Variants in SESN1 observed in about 807,000 individuals in gnomAD.
SESN1 encodes the protein sestrin-1.
Under a neutral mutation model 59.3 loss-of-function variants are expected in SESN1, and 30 were observed. The observed-to-expected ratio is 0.51, with a 90% CI of 0.38 to 0.69. The LOEUF (loss-of-function observed/expected upper bound fraction) is 0.69, where lower values mean the gene tolerates loss of function less well. Ranked by LOEUF, SESN1 falls within the 30% of genes least tolerant of loss-of-function variation. SESN1 has a pLI of 0.00. For missense variants in SESN1, 566 were observed against 673.0 expected, an observed-to-expected ratio of 0.84 and a Z score of 1.76; for synonymous variants, 197 against 219.9, an observed-to-expected ratio of 0.90 and a Z score of 0.92.
intron 1 of SESN1, among the ~76,000 whole-genome samples, chr6:109,017,324 C>T (rs181323711): frequency 1.3e-3 from 192 of 152,240 alleles, no homozygotes; most frequent in African/African-American, 4.4e-3. Context: ...CTCACTCTGT[C>T]GCCCAGGCTG....
At chr6:109,027,433 C>T (rs557679995) in intron 1 of SESN1, among the ~76,000 whole-genome samples, 5 of 142,038 alleles carry the variant, frequency 3.5e-5, no homozygotes, top group Admixed American at 1.5e-4. Flanking sequence ...GCTGAGATCG[C>T]GCCACTGCAC....
In SESN1 at chr6:109,058,697, C is replaced by T. The variant is rs553549092; in HGVS notation, c.279+35098G>A. Among the ~76,000 whole-genome samples, 20 of 152,170 alleles carry T rather than the reference C, an allele frequency of 1.3e-4. No individual in the cohort carries two copies. In the South Asian group the frequency reaches 3.9e-3, roughly 30 times the overall value. On this transcript the variant is annotated intron_variant, in intron 1 of 9. Coordinates refer to ENST00000436639, the MANE Select transcript of SESN1 (RefSeq NM_014454.3). ...CTTTTGTTTTTTCTTTCCAAGTGTA[C>T]AATTGCTGAGAGATAGAAGCAATGC... is the stretch of plus-strand genomic sequence containing the variant.
At chr6:109,032,442 C>T (rs980713532) in intron 1 of SESN1, among the ~76,000 whole-genome samples, 6 of 151,958 alleles carry the variant, frequency 3.9e-5, no homozygotes, top group African/African-American at 1.2e-4. Context: ...CATAGTGAAA[C>T]CCTGTCTCTA....
intron 7 of SESN1, among the ~76,000 whole-genome samples, chr6:108,991,876 G>A (rs201215929): frequency 1.7e-4 from 26 of 152,230 alleles, no homozygotes; most frequent in East Asian, 7.7e-4. Flanking sequence ...GAAGCTCTCA[G>A]CAGCCAACCA....
chr6:109,056,853 T>C (rs984595770), intron 1 of SESN1, among the ~76,000 whole-genome samples: 2 of 152,200 alleles, frequency 1.3e-5, no homozygotes, highest in African/African-American at 4.8e-5. Flanking sequence ...CCACAGAATA[T>C]GGCAGGAGTG....
chr6:109,019,459 T>C (rs1659241794), intron 1 of SESN1, among the ~76,000 whole-genome samples: 1 of 152,238 alleles, frequency 6.6e-6, no homozygotes, highest in South Asian at 2.1e-4. Flanking sequence ...CAGTTCATGT[T>C]TCTCTACTGA....
intron 1 of SESN1, among the ~76,000 whole-genome samples, chr6:109,023,405 T>C (rs1780040985): frequency 2.0e-5 from 3 of 152,304 alleles, no homozygotes; most frequent in Middle Eastern, 3.4e-3. Flanking sequence ...CACTTGACAG[T>C]TTACCATGCT....
rs1485678110 is a variant in SESN1, at chr6:108,986,383, C to A, written c.*1161G>T. The A allele has an allele frequency of 6.6e-6, 1 of 151,742 alleles. No homozygotes were observed. Among genetic ancestry groups the A allele is most frequent in the East Asian group, 1.9e-4 (1 of 5,180 alleles). 9.4% of individuals were successfully genotyped at this position (151,742 alleles called of 1,614,324 possible). ...TGGCTTATGAAAGTAGATAGAAACT[C>A]AAAATTATTACTAATAGTGAAGTCA... On this transcript the variant is annotated 3_prime_UTR_variant, in exon 10 of 10. Transcript: ENST00000436639.
At chr6:109,080,593 T>A (rs72937064) in intron 1 of SESN1, among the ~76,000 whole-genome samples, 3 of 152,134 alleles carry the variant, frequency 2.0e-5, no homozygotes, top group East Asian at 1.9e-4. Flanking sequence ...GAATGTGGTT[T>A]CCCCTAGAAA....
At chr6:109,042,943 T>G (rs1213447978) in intron 1 of SESN1, among the ~76,000 whole-genome samples, 1 of 151,974 alleles carries the variant, frequency 6.6e-6, no homozygotes, top group African/African-American at 2.4e-5. Context: ...GCAAAAATCC[T>G]AAACAAAATA....
In SESN1 at chr6:108,986,077, TTA is replaced by T. The variant is rs1491258397; in HGVS notation, c.*1465_*1466del. On this transcript the variant is annotated 3_prime_UTR_variant, in exon 10 of 10. Transcript: ENST00000436639. ...ATGTTTTGAGGAGTAACTAACAGAG[TTA>T]TCATCACAACAGCTTCAGTTAAACT... 6.7e-6 allele frequency among the ~76,000 whole-genome samples: 1 copy of T among 149,462 alleles called. No individual in the cohort carries two copies. Among genetic ancestry groups the T allele is most frequent in the African/African-American group, 2.4e-5 (1 of 41,030 alleles).
At chr6:109,077,006 C>T (rs1260313008) in intron 1 of SESN1, among the ~76,000 whole-genome samples, 2 of 152,128 alleles carry the variant, frequency 1.3e-5, no homozygotes, top group Non-Finnish European at 1.5e-5. Context: ...TCCTAGGCTG[C>T]GAACTTCTAT....
intron 1 of SESN1, among the ~76,000 whole-genome samples, chr6:109,065,897 T>C (rs1382685524): frequency 2.0e-5 from 3 of 151,984 alleles, no homozygotes; most frequent in Admixed American, 6.6e-5. Context: ...AACCAATACA[T>C]TGAAGGTATT....
At chr6:109,093,705 A>C in intron 1 of SESN1, 90 bp downstream of exon 1, 1 of 1,293,330 alleles carries the variant, frequency 7.7e-7, no homozygotes. Flanking sequence ...TTTACATAAC[A>C]ACCTAATAGA....
intron 1 of SESN1, among the ~76,000 whole-genome samples, chr6:109,044,368 T>C (rs544546535): frequency 9.9e-6 from 1 of 101,126 alleles, no homozygotes; most frequent in South Asian, 3.2e-4. Flanking sequence ...GGCAATTCAA[T>C]GGAGAAAGGA....
intron 5 of SESN1, 73 bp downstream of exon 5, chr6:108,998,440 C>CCAACTGAAGAAATAATA: frequency 6.4e-7 from 1 of 1,566,836 alleles, no homozygotes; most frequent in South Asian, 1.2e-5. Context: ...TTCTAAGAAG[C>CCAACTGAAGAAATAATA]CAACTGAAGA....
chr6:109,076,797 A>T (rs1781039001), intron 1 of SESN1, among the ~76,000 whole-genome samples: 1 of 152,210 alleles, frequency 6.6e-6, no homozygotes, highest in Admixed American at 6.6e-5. Context: ...TGCTGTATTA[A>T]GCTGTCTTTA....
At chr6:109,029,088 C>T (rs902070466) in intron 1 of SESN1, among the ~76,000 whole-genome samples, 6 of 152,142 alleles carry the variant, frequency 3.9e-5, no homozygotes, top group Admixed American at 1.3e-4. Context: ...ACTTTTCTAC[C>T]TTCTCTTCTT....
In SESN1 at chr6:108,990,771, A is replaced by G; in HGVS notation, c.1298T>C (p.Leu433Ser). ...VNRLYPDVGQ[L>S]IDEKFHIAYN... is the part of the protein sequence containing the mutation. ...AGCAATGTGAAATTTTTCATCAATC[A>G]ACTGTCCCACATCTGGATAAAGGCG... Residue 433 changes from leucine to serine, a missense_variant, in exon 8 of 10, where the codon TTG (leucine) becomes TCG (serine). Leu to Ser is a moderately radical substitution (Grantham distance 145, BLOSUM62 -2). Transcript: ENST00000436639. 6.2e-7 allele frequency: 1 copy of G among 1,614,134 alleles called. No individual in the cohort carries two copies.
Sources: allele counts gnomAD v4.1 joint callset (sites outside exome capture counted in the v4.1 genomes callset), GRCh38; gene constraint gnomAD v4.1.1; transcripts MANE v1.5; gene names NCBI Gene and HGNC (gene_info 2026-07-23, HGNC 2026-07-21).